Variants in SLC8A1 observed in about 807,000 individuals in gnomAD.
SLC8A1 encodes the protein solute carrier family 8 member A1.
Under a neutral mutation model 68.3 loss-of-function variants are expected in SLC8A1, and 18 were observed. That is an observed-to-expected ratio of 0.26 (90% confidence interval 0.18 to 0.39). The LOEUF (loss-of-function observed/expected upper bound fraction) is 0.39, where lower values mean the gene tolerates loss of function less well. SLC8A1 is among the 10% of genes least tolerant of loss of function. SLC8A1 has a pLI of 1.00. For synonymous variants in SLC8A1, 475 were observed against 415.5 expected (o/e 1.14, Z -1.74); for missense variants, 985 against 1,156.7 (o/e 0.85, Z 2.15).
intron 7 of SLC8A1, among the ~76,000 whole-genome samples, chr2:40,120,114 T>C (rs1421713549): frequency 6.6e-6 from 1 of 152,232 alleles, no homozygotes; most frequent in African/African-American, 2.4e-5. Flanking sequence ...CAAAAAAAGG[T>C]CATTCTCACA....
chr2:40,247,514 C>A (rs1374944800), intron 2 of SLC8A1, among the ~76,000 whole-genome samples: 1 of 151,772 alleles, frequency 6.6e-6, no homozygotes, highest in Non-Finnish European at 1.5e-5. Flanking sequence ...TTAAATAAAC[C>A]CTTCCTTATG....
chr2:40,170,729 GT>G lies in SLC8A1; in HGVS notation c.1930+4095del, dbSNP rs536347014. ...AAAAGGTATAGTGGCAGGTGTCGTG[GT>G]TGGCAAGCCAGTCTTCATGACTGAA... On this transcript the variant is annotated intron_variant, in intron 4 of 7. Coordinates refer to ENST00000406785, the Ensembl canonical transcript of SLC8A1. Among the ~76,000 whole-genome samples the G allele has an allele frequency of 1.6e-4, 25 of 152,278 alleles. No individual in the cohort carries two copies. The South Asian group carries it at 5.0e-3, about 30-fold the overall frequency.
At chr2:40,194,347 T>A (rs1261808164) in intron 2 of SLC8A1, among the ~76,000 whole-genome samples, 1 of 151,844 alleles carries the variant, frequency 6.6e-6, no homozygotes, top group African/African-American at 2.4e-5. Context: ...GGAGAACTGG[T>A]GAGAGAATTA....
At chr2:40,106,607 A>C (rs978371317) in exon 8 of SLC8A1, 1 of 152,224 alleles carries the variant, frequency 6.6e-6, no homozygotes, top group African/African-American at 2.4e-5. Flanking sequence ...AATTTCTCAC[A>C]GGATTACCGA....
At chr2:40,346,689 GC>G (rs1440442886) in intron 2 of SLC8A1, among the ~76,000 whole-genome samples, 1 of 152,116 alleles carries the variant, frequency 6.6e-6, no homozygotes, top group Admixed American at 6.6e-5. Context: ...AAGTCTGAGT[GC>G]CAAACAGAGA....
intron 7 of SLC8A1, chr2:40,118,548 A>G (rs981941358): frequency 4.0e-5 from 6 of 150,648 alleles, no homozygotes; most frequent in Non-Finnish European, 8.8e-5. Context: ...GGTTTCTTGT[A>G]CTTCATTATT....
intron 2 of SLC8A1, among the ~76,000 whole-genome samples, chr2:40,389,206 C>T (rs80108449): frequency 0.027 from 4,120 of 152,038 alleles, 86 homozygotes; most frequent in Non-Finnish European, 0.04. Context: ...AGAGGCTATA[C>T]GGACAATTTG....
intron 6 of SLC8A1, among the ~76,000 whole-genome samples, chr2:40,141,607 T>C (rs1191655156): frequency 6.6e-6 from 1 of 152,206 alleles, no homozygotes; most frequent in East Asian, 1.9e-4. Flanking sequence ...TTTGCTCTGC[T>C]GTTCATGCAG....
chr2:40,336,512 CTT>C (rs1393974471), intron 2 of SLC8A1, among the ~76,000 whole-genome samples: 2 of 152,122 alleles, frequency 1.3e-5, no homozygotes, highest in Non-Finnish European at 2.9e-5. Context: ...CCAGATAAAT[CTT>C]ATTTAACCAT....
At chr2:40,497,989 G>A (rs1191367608) in intron 1 of SLC8A1, among the ~76,000 whole-genome samples, 2 of 152,032 alleles carry the variant, frequency 1.3e-5, no homozygotes, top group Admixed American at 6.6e-5. Context: ...GATGGTAATG[G>A]ATATGAGAGA....
intron 2 of SLC8A1, among the ~76,000 whole-genome samples, chr2:40,263,932 A>G (rs1306590637): frequency 3.9e-5 from 6 of 152,180 alleles, no homozygotes; most frequent in Non-Finnish European, 7.3e-5. Context: ...ATGGCAGAAA[A>G]TTTTCACAAC....
At chr2:40,458,628 G>A (rs895287299) in intron 1 of SLC8A1, among the ~76,000 whole-genome samples, 5 of 152,086 alleles carry the variant, frequency 3.3e-5, no homozygotes, top group Admixed American at 2.0e-4. Flanking sequence ...CCTGCTCTGC[G>A]ATGACAGACA....
intron 1 of SLC8A1, among the ~76,000 whole-genome samples, chr2:40,447,056 G>T (rs1457259146): frequency 6.6e-6 from 1 of 152,134 alleles, no homozygotes; most frequent in African/African-American, 2.4e-5. Flanking sequence ...ACCATGCAAT[G>T]ATATCAACAA....
intron 2 of SLC8A1, among the ~76,000 whole-genome samples, chr2:40,305,576 G>C (rs76181676): frequency 0.02 from 3,118 of 152,276 alleles, 36 homozygotes; most frequent in Middle Eastern, 0.037. Context: ...GCTGTGATAA[G>C]CATTTGACAC....
At position 40,170,359 on chromosome 2, in the gene SLC8A1, G is replaced by A. The variant is rs1297309231; in HGVS notation, c.1930+4466C>T. 1 of 1,613,372 alleles carries A rather than the reference G, an allele frequency of 6.2e-7. No homozygotes were observed. Among genetic ancestry groups the A allele is most frequent in the Non-Finnish European group, 8.5e-7 (1 of 1,179,400 alleles). On this transcript the variant is annotated intron_variant, in intron 4 of 7. Coordinates refer to ENST00000406785, the Ensembl canonical transcript of SLC8A1. ...CTGAAGACAGGTTGGCCTAGCAAAAGGACAGGCAGAAAAATCAGCAGAATG... is the reference window on the plus strand; with the variant it reads ...CTGAAGACAGGTTGGCCTAGCAAAAAGACAGGCAGAAAAATCAGCAGAATG...
At chr2:40,426,540 A>G (rs1696895533) in intron 2 of SLC8A1, among the ~76,000 whole-genome samples, 1 of 152,032 alleles carries the variant, frequency 6.6e-6, no homozygotes, top group South Asian at 2.1e-4. Flanking sequence ...GTACCACCCA[A>G]AAGAAGGTTA....
intron 2 of SLC8A1, among the ~76,000 whole-genome samples, chr2:40,411,751 G>A: frequency 6.6e-6 from 1 of 151,890 alleles, no homozygotes; most frequent in East Asian, 1.9e-4. Context: ...AAAAAAGCAA[G>A]AGTAAAACAA....
chr2:40,505,268 C>CTA (rs1706300014), intron 1 of SLC8A1, among the ~76,000 whole-genome samples: 1 of 151,800 alleles, frequency 6.6e-6, no homozygotes, highest in South Asian at 2.1e-4. Flanking sequence ...ATAAGATCTA[C>CTA]TATTTGCTAG....
At position 40,163,187 on chromosome 2, in the gene SLC8A1, G is replaced by T. The variant is rs192136075; in HGVS notation, c.2061+1667C>A. ...TTTCAAATGGTCAGATCATTATAGT[G>T]GTTACCAGAAAGGGCTTTGGACCCA... On this transcript the variant is annotated intron_variant, in intron 5 of 7. Coordinates refer to ENST00000406785, the Ensembl canonical transcript of SLC8A1. Among the ~76,000 whole-genome samples, 3 of 152,234 alleles carry T rather than the reference G, an allele frequency of 2.0e-5. No homozygotes were observed. The East Asian group carries it at 5.8e-4, about 29-fold the overall frequency.
Sources: allele counts gnomAD v4.1 joint callset (sites outside exome capture counted in the v4.1 genomes callset), GRCh38; gene constraint gnomAD v4.1.1; transcripts MANE v1.5; gene names NCBI Gene and HGNC (gene_info 2026-07-23, HGNC 2026-07-21).